CSMD1: variants seen among roughly 807,000 people sequenced by gnomAD.
CSMD1 encodes CUB and sushi domain-containing protein 1.
Under a neutral mutation model 417.5 loss-of-function variants are expected in CSMD1, and 213 were observed. The observed-to-expected ratio is 0.51, with a 90% CI of 0.46 to 0.57. CSMD1 has a LOEUF of 0.57. CSMD1 is among the 20% of genes least tolerant of loss of function. The pLI is 0.00. For missense variants in CSMD1, 6,923 were observed against 4,529.7 expected (o/e 1.53, Z -15.17); for synonymous variants, 2,862 against 1,736.8 (o/e 1.65, Z -16.11).
chr8:2,953,032 TG>T (rs1212992108), intron 65 of CSMD1, among the ~76,000 whole-genome samples: 1 of 152,144 alleles, frequency 6.6e-6, no homozygotes, highest in Non-Finnish European at 1.5e-5. Context: ...AAAGGAATAT[TG>T]ATAATAATGT....
chr8:3,926,714 C>CTTTTTTTT lies in CSMD1; in HGVS notation c.818+71181_818+71188dup, dbSNP rs56721822. 6.8e-5 allele frequency among the ~76,000 whole-genome samples: 7 copies of CTTTTTTTT among 103,506 alleles called. 2 individuals are homozygous for CTTTTTTTT. Among genetic ancestry groups the CTTTTTTTT allele is most frequent in the East Asian group, 3.0e-4 (1 of 3,352 alleles). The allele number at this position is 103,506 out of a possible 152,430, so 67.9% of individuals were successfully genotyped here. On this transcript the variant is annotated intron_variant, in intron 5 of 69. Transcript: ENST00000635120. ...AATTAAATTCAAGTTAAATTGACAC[C>CTTTTTTTT]TTTTTTTTTTTTTTTTTTTTTTTAT...
chr8:3,608,317 G>A (rs986896344), intron 8 of CSMD1, among the ~76,000 whole-genome samples: 2 of 152,134 alleles, frequency 1.3e-5, no homozygotes, highest in Non-Finnish European at 2.9e-5. Flanking sequence ...TTTATGGATA[G>A]ACATGAAGGG....
At chr8:3,523,288 C>A (rs937261543) in intron 10 of CSMD1, among the ~76,000 whole-genome samples, 1 of 152,152 alleles carries the variant, frequency 6.6e-6, no homozygotes, top group African/African-American at 2.4e-5. Flanking sequence ...TAAGAATAAC[C>A]TATTTCTGTA....
chr8:4,648,837 G>A (rs902108035), intron 1 of CSMD1, among the ~76,000 whole-genome samples: 2 of 152,128 alleles, frequency 1.3e-5, no homozygotes, highest in Admixed American at 6.6e-5. Flanking sequence ...TGTGTTTATA[G>A]TTGGTCGGGA....
chr8:3,797,163 T>G (rs1800199855), intron 5 of CSMD1, among the ~76,000 whole-genome samples: 1 of 151,686 alleles, frequency 6.6e-6, no homozygotes, highest in Admixed American at 6.6e-5. Context: ...ATAATTGAAT[T>G]TCAAAGTCTA....
chr8:3,089,666 G>A (rs1389268287), intron 48 of CSMD1, among the ~76,000 whole-genome samples: 1 of 152,122 alleles, frequency 6.6e-6, no homozygotes, highest in Non-Finnish European at 1.5e-5. Context: ...AGATCACTGA[G>A]TCATCAATTC....
At chr8:3,479,325 G>C (rs975658307) in intron 11 of CSMD1, among the ~76,000 whole-genome samples, 1 of 152,064 alleles carries the variant, frequency 6.6e-6, no homozygotes, top group African/African-American at 2.4e-5. Context: ...TTGTCACCCA[G>C]GCTGGAGTGC....
chr8:3,152,474 C>G (rs1466064331), intron 39 of CSMD1, among the ~76,000 whole-genome samples: 2 of 152,132 alleles, frequency 1.3e-5, no homozygotes, highest in Non-Finnish European at 2.9e-5. Context: ...TCTGGAAGCC[C>G]TCTTTTAGAG....
intron 3 of CSMD1, among the ~76,000 whole-genome samples, chr8:4,148,424 T>C (rs1796394219): frequency 6.6e-6 from 1 of 151,498 alleles, no homozygotes; most frequent in African/African-American, 2.4e-5. Context: ...TGTTAAATGA[T>C]GAGTTAATTC....
chr8:3,361,139 G>A (rs1047647697), intron 20 of CSMD1, among the ~76,000 whole-genome samples: 2 of 151,972 alleles, frequency 1.3e-5, no homozygotes, highest in African/African-American at 4.8e-5. Flanking sequence ...AAATAATATA[G>A]ACAATGTCAT....
At chr8:4,074,039 A>C (rs1002909363) in intron 3 of CSMD1, among the ~76,000 whole-genome samples, 1 of 152,100 alleles carries the variant, frequency 6.6e-6, no homozygotes, top group East Asian at 1.9e-4. Context: ...TTCTGCTTTT[A>C]GACATTTAGT....
chr8:4,439,037 T>G (rs1798311116), intron 2 of CSMD1, among the ~76,000 whole-genome samples: 1 of 152,182 alleles, frequency 6.6e-6, no homozygotes, highest in African/African-American at 2.4e-5. Flanking sequence ...TATATTCTTT[T>G]TAGTAATCTT....
At chr8:3,786,920 T>C (rs544665549) in intron 5 of CSMD1, among the ~76,000 whole-genome samples, 1 of 152,156 alleles carries the variant, frequency 6.6e-6, no homozygotes, top group Non-Finnish European at 1.5e-5. Flanking sequence ...ACCTTTAGGA[T>C]GAGGATTTCA....
chr8:4,101,478 G>T (rs1158406955), intron 3 of CSMD1, among the ~76,000 whole-genome samples: 1 of 152,132 alleles, frequency 6.6e-6, no homozygotes, highest in Non-Finnish European at 1.5e-5. Context: ...AGGTCTCCAT[G>T]GTGCAGCTGT....
At chr8:4,945,294 C>T (rs1215204848) in intron 1 of CSMD1, among the ~76,000 whole-genome samples, 1 of 152,032 alleles carries the variant, frequency 6.6e-6, no homozygotes, top group Admixed American at 6.6e-5. Context: ...TTTAGTTTTG[C>T]AAAATAAATA....
intron 41 of CSMD1, among the ~76,000 whole-genome samples, chr8:3,137,610 C>A (rs1027470516): frequency 6.6e-6 from 1 of 152,174 alleles, no homozygotes; most frequent in Non-Finnish European, 1.5e-5. Flanking sequence ...AATAATGGTG[C>A]ATTTTCATAA....
intron 2 of CSMD1, among the ~76,000 whole-genome samples, chr8:4,612,683 C>T (rs76623186): frequency 7.9e-5 from 12 of 152,274 alleles, no homozygotes; most frequent in Admixed American, 1.3e-4. Context: ...CCAAACCTCA[C>T]GCCACATCCC....
chr8:4,891,298 G>C (rs1804107566), intron 1 of CSMD1, among the ~76,000 whole-genome samples: 1 of 152,134 alleles, frequency 6.6e-6, no homozygotes, highest in South Asian at 2.1e-4. Flanking sequence ...TACAAGTGAA[G>C]ACACTAAGCT....
intron 5 of CSMD1, among the ~76,000 whole-genome samples, chr8:3,825,219 A>T (rs76518904): frequency 6.6e-6 from 1 of 152,178 alleles, no homozygotes; most frequent in Non-Finnish European, 1.5e-5. Context: ...AAATAAGTGA[A>T]TCCAAAGTCC....
Sources: allele counts gnomAD v4.1 joint callset (sites outside exome capture counted in the v4.1 genomes callset), GRCh38; gene constraint gnomAD v4.1.1; transcripts MANE v1.5; gene names NCBI Gene and HGNC (gene_info 2026-07-23, HGNC 2026-07-21).